CIB4: variants seen among roughly 807,000 people sequenced by gnomAD.
CIB4 encodes the protein calcium and integrin binding family member 4, also known as calcium and integrin-binding family member 4.
CIB4 carries 25 observed loss-of-function variants against 25.8 expected under a neutral mutation model. That is an observed-to-expected ratio of 0.97 (90% confidence interval 0.71 to 1.35). The LOEUF is 1.35. Among genes scored for constraint, CIB4 ranks in the 40% most tolerant of loss-of-function variants. The pLI is 0.00. For synonymous variants in CIB4, 75 were observed against 81.4 expected (o/e 0.92, Z 0.42); for missense variants, 235 against 228.2 (o/e 1.03, Z -0.19).
At position 26,613,680 on chromosome 2, in the gene CIB4, T is replaced by G. The variant is rs564570846; in HGVS notation, c.186+15730A>C. On this transcript the variant is annotated intron_variant, in intron 3 of 6. Transcript: ENST00000288861. ...ACAAACTGCAGTTCAACTCCAGGGC[T>G]TTTGGTGACAAGCCTGAAGAGCCCA... is the stretch of plus-strand genomic sequence containing the variant. Among the ~76,000 whole-genome samples the G allele has an allele frequency of 2.0e-5, 3 of 152,344 alleles. No homozygotes were observed. The South Asian group carries it at 6.2e-4, about 32-fold the overall frequency.
Position 26,641,249 on chromosome 2 carries a change from C to G in CIB4, c.54+12G>C. 1 of 1,609,776 alleles carries G rather than the reference C, an allele frequency of 6.2e-7. No individual in the cohort carries two copies. Among genetic ancestry groups the G allele is most frequent in the African/African-American group, 1.3e-5 (1 of 74,780 alleles). ...CCACCTCTGCCCAGAGTCCCTAGCCCGATCTACCCACCTGGTACTCTTCCA... is the reference window on the plus strand; with the variant it reads ...CCACCTCTGCCCAGAGTCCCTAGCCGGATCTACCCACCTGGTACTCTTCCA... On this transcript the variant is annotated intron_variant, in intron 1 of 6. Transcript: ENST00000288861.
At chr2:26,624,455 G>A (rs572117749) in intron 3 of CIB4, among the ~76,000 whole-genome samples, 12 of 152,310 alleles carry the variant, frequency 7.9e-5, no homozygotes, top group African/African-American at 2.9e-4. Context: ...GCTGGTCTGA[G>A]CACTAGGGAT....
chr2:26,598,546 C>T (rs10200959), intron 3 of CIB4, among the ~76,000 whole-genome samples: 2,934 of 152,232 alleles, frequency 0.019, 101 homozygotes, highest in African/African-American at 0.066. Context: ...GGGACACTGT[C>T]CCTGAGAGGA....
At chr2:26,592,874 T>G (rs1024330550) in intron 4 of CIB4, among the ~76,000 whole-genome samples, 2 of 152,222 alleles carry the variant, frequency 1.3e-5, no homozygotes, top group Admixed American at 6.5e-5. Flanking sequence ...TTTACATCCT[T>G]GGGCATGATT....
At chr2:26,639,768 C>T (rs545834688) in intron 2 of CIB4, among the ~76,000 whole-genome samples, 2 of 152,120 alleles carry the variant, frequency 1.3e-5, no homozygotes, top group African/African-American at 2.4e-5. Flanking sequence ...ATGTGGCTTC[C>T]GTGTGGTGAC....
chr2:26,602,791 G>A (rs903851691), intron 3 of CIB4, among the ~76,000 whole-genome samples: 27 of 152,194 alleles, frequency 1.8e-4, no homozygotes, highest in African/African-American at 6.5e-4. Flanking sequence ...GCCAGGTGCA[G>A]TGGCTCACGC....
At chr2:26,589,087 T>TTCTTCC (rs1668527674) in intron 4 of CIB4, among the ~76,000 whole-genome samples, 3 of 93,360 alleles carry the variant, frequency 3.2e-5, no homozygotes, top group African/African-American at 1.3e-4. Context: ...CTTCTTCTTC[T>TTCTTCC]TCTTCTTCTT....
At chr2:26,591,580 T>C (rs1374587867) in intron 4 of CIB4, among the ~76,000 whole-genome samples, 1 of 152,212 alleles carries the variant, frequency 6.6e-6, no homozygotes, top group Non-Finnish European at 1.5e-5. Context: ...GTGACCTCTC[T>C]CCTAAGAGCC....
intron 3 of CIB4, among the ~76,000 whole-genome samples, chr2:26,601,908 G>A (rs1668799604): frequency 6.6e-6 from 1 of 152,174 alleles, no homozygotes; most frequent in Admixed American, 6.5e-5. Context: ...GCTACATATT[G>A]TATGAGTCCA....
chr2:26,593,464 C>CATATACACATATAA (rs374334266), intron 4 of CIB4, among the ~76,000 whole-genome samples: 4,794 of 152,050 alleles, frequency 0.032, 272 homozygotes, highest in African/African-American at 0.11. Flanking sequence ...CACTCACATA[C>CATATACACATATAA]ATATACACAT....
intron 2 of CIB4, among the ~76,000 whole-genome samples, chr2:26,638,740 G>A (rs1407267910): frequency 1.3e-5 from 2 of 152,180 alleles, no homozygotes; most frequent in African/African-American, 4.8e-5. Flanking sequence ...ATCACTGGAG[G>A]TCAGGAGTTT....
At chr2:26,637,989 G>A (rs962255351) in intron 2 of CIB4, among the ~76,000 whole-genome samples, 1 of 152,170 alleles carries the variant, frequency 6.6e-6, no homozygotes, top group Non-Finnish European at 1.5e-5. Flanking sequence ...TTATGCAGTG[G>A]CGTCCCCAAC....
chr2:26,632,966 G>A (rs1404931309), intron 2 of CIB4, among the ~76,000 whole-genome samples: 2 of 151,710 alleles, frequency 1.3e-5, no homozygotes, highest in East Asian at 1.9e-4. Context: ...AAGTGAGCTC[G>A]GGCTCCTGCC....
intron 5 of CIB4, among the ~76,000 whole-genome samples, chr2:26,583,200 C>T (rs1349008227): frequency 6.6e-6 from 1 of 152,198 alleles, no homozygotes; most frequent in Non-Finnish European, 1.5e-5. Context: ...AGGGGCTCTG[C>T]ACTGAAGGGG....
At chr2:26,617,231 G>A (rs930307240) in intron 3 of CIB4, among the ~76,000 whole-genome samples, 2 of 152,088 alleles carry the variant, frequency 1.3e-5, no homozygotes, top group African/African-American at 4.8e-5. Flanking sequence ...GAAACTGGGA[G>A]GGAATGAGCA....
chr2:26,586,118 C>T (rs530301431), intron 4 of CIB4, among the ~76,000 whole-genome samples: 2 of 152,350 alleles, frequency 1.3e-5, no homozygotes, highest in Non-Finnish European at 2.9e-5. Context: ...CTTCCCTCCT[C>T]TCTCTCTGCC....
At chr2:26,608,270 TGGTGAGAAGGG>T (rs1668930944) in intron 3 of CIB4, among the ~76,000 whole-genome samples, 1 of 146,728 alleles carries the variant, frequency 6.8e-6, no homozygotes, top group Non-Finnish European at 1.5e-5. Context: ...AGAGTGGGTC[TGGTGAGAAGGG>T]GGTGAGAAGG....
At chr2:26,633,785 G>T (rs961431288) in intron 2 of CIB4, among the ~76,000 whole-genome samples, 1 of 152,228 alleles carries the variant, frequency 6.6e-6, no homozygotes, top group South Asian at 2.1e-4. Context: ...ACAGCCCAGA[G>T]AGGCAGGAGG....
intron 2 of CIB4, among the ~76,000 whole-genome samples, chr2:26,639,704 G>C (rs922975773): frequency 6.6e-6 from 1 of 152,140 alleles, no homozygotes; most frequent in African/African-American, 2.4e-5. Context: ...TGCCTGGAGA[G>C]TCTTGCACTT....
Sources: gnomAD v4.1 joint callset for allele counts (sites outside exome capture counted in the v4.1 genomes callset) on GRCh38, gnomAD v4.1.1 for gene constraint, MANE v1.5 for transcripts, NCBI Gene and HGNC (gene_info 2026-07-23, HGNC 2026-07-21) for gene names.